Variants in DYNC1I1 observed in about 807,000 individuals in gnomAD.
DYNC1I1 encodes the protein cytoplasmic dynein 1 intermediate chain 1.
A neutral mutation model predicts 86.6 loss-of-function variants in DYNC1I1; 43 were observed. The observed-to-expected ratio is 0.50, with a 90% CI of 0.39 to 0.64. The LOEUF is 0.64. Among genes scored for constraint, DYNC1I1 ranks in the 30% least tolerant of loss-of-function variants. The probability of loss-of-function intolerance (pLI) is 0.00; values close to 1 mark genes in which losing one functional copy is unlikely to be tolerated. For synonymous variants in DYNC1I1, 262 were observed against 283.7 expected, an observed-to-expected ratio of 0.92 and a Z score of 0.77; for missense variants, 604 against 788.8, an observed-to-expected ratio of 0.77 and a Z score of 2.81.
chr7:95,970,045 T>C (rs1357702413), intron 6 of DYNC1I1, among the ~76,000 whole-genome samples: 1 of 152,222 alleles, frequency 6.6e-6, no homozygotes, highest in Non-Finnish European at 1.5e-5. Flanking sequence ...ATACTTTATC[T>C]TGGCTGCTGT....
At position 95,839,531 on chromosome 7, in the gene DYNC1I1, A is replaced by G. The variant is rs201943365; in HGVS notation, c.374+11415A>G. Among the ~76,000 whole-genome samples, 20 of 152,250 alleles carry G rather than the reference A, an allele frequency of 1.3e-4. No individual in the cohort carries two copies. In the East Asian group the frequency reaches 3.7e-3, roughly 28 times the overall value. On this transcript the variant is annotated intron_variant, in intron 5 of 16. Transcript: ENST00000447467. ...GTTTAGAATGTGTGTCCATTTACATAATTTAGTTATAGTCATTTTTAATTC... is the reference window on the plus strand; with the variant it reads ...GTTTAGAATGTGTGTCCATTTACATGATTTAGTTATAGTCATTTTTAATTC...
At chr7:95,988,622 T>C (rs1015857273) in intron 9 of DYNC1I1, among the ~76,000 whole-genome samples, 30 of 152,208 alleles carry the variant, frequency 2.0e-4, no homozygotes, top group African/African-American at 6.8e-4. Context: ...CCCACATTCT[T>C]AACAACAATG....
chr7:95,838,748 A>T lies in DYNC1I1; in HGVS notation c.374+10632A>T, dbSNP rs1326526322. ...TAGTTCTTTTATGTAGAGATTTTTC[A>T]CCTTGGTTAAATCTAAGTTTTTTTC... is the stretch of plus-strand genomic sequence containing the variant. On this transcript the variant is annotated intron_variant, in intron 5 of 16. Coordinates refer to ENST00000447467, the MANE Select transcript of DYNC1I1 (RefSeq NM_001135556.2). Among the ~76,000 whole-genome samples the T allele has an allele frequency of 2.0e-5, 3 of 151,964 alleles. No individual in the cohort carries two copies. The East Asian group carries it at 5.8e-4, about 29-fold the overall frequency.
At chr7:95,968,628 G>A (rs1358535482) in intron 6 of DYNC1I1, among the ~76,000 whole-genome samples, 4 of 152,086 alleles carry the variant, frequency 2.6e-5, no homozygotes, top group Admixed American at 2.6e-4. Flanking sequence ...TTTTTCACAA[G>A]CAAGGTTCCC....
intron 16 of DYNC1I1, among the ~76,000 whole-genome samples, chr7:96,105,624 T>C (rs1189573798): frequency 6.6e-6 from 1 of 152,190 alleles, no homozygotes; most frequent in Non-Finnish European, 1.5e-5. Context: ...TCTATTGTAA[T>C]GTCTTTGTCA....
chr7:96,037,754 C>T (rs1205853956), intron 13 of DYNC1I1, among the ~76,000 whole-genome samples: 4 of 152,082 alleles, frequency 2.6e-5, no homozygotes, highest in African/African-American at 9.7e-5. Flanking sequence ...AGAAGGGTCC[C>T]TATGGCACAC....
At position 95,831,968 on chromosome 7, in the gene DYNC1I1, CT is replaced by C. The variant is rs777554219; in HGVS notation, c.374+3861del. Among the ~76,000 whole-genome samples the C allele has an allele frequency of 5.1e-4, 77 of 150,844 alleles. 1 individual carries two copies. In the East Asian group the frequency reaches 5.5e-3, roughly 11 times the overall value. On this transcript the variant is annotated intron_variant, in intron 5 of 16. Coordinates refer to ENST00000447467, the MANE Select transcript of DYNC1I1 (RefSeq NM_001135556.2). ...GCCTTATCATTGTATTGGTTGTTTT[CT>C]TTTTTTTTATTATTATACTTTAAGT...
chr7:95,897,160 G>A (rs1311356227), intron 6 of DYNC1I1, among the ~76,000 whole-genome samples: 1 of 152,126 alleles, frequency 6.6e-6, no homozygotes, highest in Non-Finnish European at 1.5e-5. Flanking sequence ...TCTTCCATGG[G>A]TCGTTTATTA....
At chr7:96,017,999 A>G (rs186834283) in intron 10 of DYNC1I1, among the ~76,000 whole-genome samples, 1 of 152,266 alleles carries the variant, frequency 6.6e-6, no homozygotes, top group East Asian at 1.9e-4. Context: ...AAATATCACC[A>G]CAATTGGTAC....
At chr7:95,842,114 C>T (rs1295056612) in intron 5 of DYNC1I1, among the ~76,000 whole-genome samples, 2 of 152,164 alleles carry the variant, frequency 1.3e-5, no homozygotes, top group Non-Finnish European at 2.9e-5. Context: ...TTGTATAGTG[C>T]TGGGCTGAGG....
rs551990582 is a variant in DYNC1I1, at chr7:96,077,263, G to A, written c.1650+1066G>A. The stretch of plus-strand genomic sequence containing the variant: ...TTTGTGTGTGTGTGTGTGTGTGTGT[G>A]TGTGTGTGTGTGTGGGAGGGGGCAG... On this transcript the variant is annotated intron_variant, in intron 15 of 16. Coordinates refer to ENST00000447467, the MANE Select transcript of DYNC1I1 (RefSeq NM_001135556.2). Among the ~76,000 whole-genome samples the A allele has an allele frequency of 1.2e-4, 18 of 151,960 alleles. No homozygotes were observed. In the South Asian group the frequency reaches 3.7e-3, roughly 32 times the overall value.
chr7:95,993,124 T>G (rs1793772173), intron 9 of DYNC1I1, among the ~76,000 whole-genome samples: 1 of 152,108 alleles, frequency 6.6e-6, no homozygotes, highest in Admixed American at 6.5e-5. Context: ...AGATTTTTTA[T>G]TGGAAAAAGA....
At chr7:95,981,827 T>TC (rs1367457979) in intron 7 of DYNC1I1, among the ~76,000 whole-genome samples, 5 of 152,186 alleles carry the variant, frequency 3.3e-5, no homozygotes, top group Non-Finnish European at 5.9e-5. Context: ...TTAAATCCTA[T>TC]CTTTTTAATG....
chr7:96,092,755 A>T (rs1311247825), intron 16 of DYNC1I1, among the ~76,000 whole-genome samples: 1 of 152,184 alleles, frequency 6.6e-6, no homozygotes, highest in African/African-American at 2.4e-5. Flanking sequence ...CTGGGAGGCT[A>T]AAATGATACA....
chr7:96,098,241 T>C lies in DYNC1I1; in HGVS notation c.*648T>C. On this transcript the variant is annotated 3_prime_UTR_variant, in exon 17 of 17. Coordinates refer to ENST00000447467, the MANE Select transcript of DYNC1I1 (RefSeq NM_001135556.2). ...CAGTATGCCAGTTCCACTGAAGACA[T>C]GAAATCTTTAGAGGTTTCTTGCAGT... 2.0e-6 allele frequency: 2 copies of C among 985,908 alleles called. No individual in the cohort carries two copies. Among genetic ancestry groups the C allele is most frequent in the South Asian group, 9.4e-5 (2 of 21,288 alleles). 61.1% of individuals were successfully genotyped at this position (985,908 alleles called of 1,614,324 possible). A position where few individuals can be genotyped will look rare whatever the true frequency, so the allele number is the denominator to read the frequency against.
intron 5 of DYNC1I1, among the ~76,000 whole-genome samples, chr7:95,841,115 C>G (rs960303681): frequency 1.3e-5 from 2 of 152,098 alleles, no homozygotes; most frequent in African/African-American, 4.8e-5. Flanking sequence ...AATGCTAGGC[C>G]CTCAGTTCTT....
At chr7:95,853,704 G>A (rs189092844) in intron 5 of DYNC1I1, among the ~76,000 whole-genome samples, 2 of 152,214 alleles carry the variant, frequency 1.3e-5, no homozygotes, top group East Asian at 1.9e-4. Flanking sequence ...TAAACCTTAT[G>A]TGTCTTTATT....
downstream of DYNC1I1, among the ~76,000 whole-genome samples, chr7:96,098,871 A>C (rs1584320940): frequency 6.6e-6 from 1 of 152,318 alleles, no homozygotes; most frequent in South Asian, 2.1e-4. Flanking sequence ...GTCATGAAAA[A>C]CATTCGAAGA....
intron 5 of DYNC1I1, among the ~76,000 whole-genome samples, chr7:95,866,793 A>G (rs777989518): frequency 6.6e-6 from 1 of 152,222 alleles, no homozygotes; most frequent in Non-Finnish European, 1.5e-5. Flanking sequence ...TATTTGAGAC[A>G]GATTCACCCT....
Sources: allele counts gnomAD v4.1 joint callset (sites outside exome capture counted in the v4.1 genomes callset), GRCh38; gene constraint gnomAD v4.1.1; transcripts MANE v1.5; gene names NCBI Gene and HGNC (gene_info 2026-07-23, HGNC 2026-07-21).